Variants in CSMD1 observed in about 807,000 individuals in gnomAD.
CSMD1 encodes CUB and sushi domain-containing protein 1.
In CSMD1, 213 loss-of-function variants were observed where a neutral mutation model predicts 417.5. The ratio of observed to expected loss-of-function variants is 0.51; its 90% CI spans 0.46 to 0.57. The LOEUF is 0.57. CSMD1 is among the 20% of genes least tolerant of loss of function. The pLI is 0.00. For missense variants in CSMD1, 6,923 were observed against 4,529.7 expected, an observed-to-expected ratio of 1.53 and a Z score of -15.17; for synonymous variants, 2,862 against 1,736.8, an observed-to-expected ratio of 1.65 and a Z score of -16.11.
chr8:3,427,476 G>A (rs1813925712), intron 12 of CSMD1, among the ~76,000 whole-genome samples: 1 of 152,132 alleles, frequency 6.6e-6, no homozygotes, highest in East Asian at 1.9e-4. Context: ...CCTTTAAAAT[G>A]AAGATTTTCA....
chr8:4,362,565 T>C (rs993250742), intron 3 of CSMD1, among the ~76,000 whole-genome samples: 2 of 152,220 alleles, frequency 1.3e-5, no homozygotes, highest in African/African-American at 2.4e-5. Flanking sequence ...GTGGATAATA[T>C]AGCCCCGTGA....
At chr8:3,997,793 C>G in intron 5 of CSMD1, 110 bp downstream of exon 5, 2 of 955,718 alleles carry the variant, frequency 2.1e-6, no homozygotes, top group East Asian at 2.6e-5. Flanking sequence ...AAAAGGAACA[C>G]ACATGCTTGC....
intron 41 of CSMD1, among the ~76,000 whole-genome samples, chr8:3,141,861 G>C (rs147153940): frequency 1.3e-5 from 2 of 149,752 alleles, no homozygotes; most frequent in East Asian, 2.0e-4. Flanking sequence ...GCAGTGGCGC[G>C]ATCTCTCCTC....
chr8:3,815,993 C>T (rs1414159781), intron 5 of CSMD1, among the ~76,000 whole-genome samples: 1 of 152,174 alleles, frequency 6.6e-6, no homozygotes, highest in South Asian at 2.1e-4. Flanking sequence ...AGCATTACAA[C>T]ATCAAACTTA....
chr8:3,253,766 G>A (rs528928528), intron 26 of CSMD1, among the ~76,000 whole-genome samples: 13 of 152,226 alleles, frequency 8.5e-5, no homozygotes, highest in African/African-American at 2.9e-4. Context: ...GCCTATGTGT[G>A]TCTCTGCAGG....
chr8:3,238,537 G>A (rs775665391), intron 26 of CSMD1, among the ~76,000 whole-genome samples: 6 of 152,084 alleles, frequency 3.9e-5, no homozygotes, highest in Non-Finnish European at 5.9e-5. Flanking sequence ...GCGAGACTAC[G>A]GGCAGCATGG....
intron 46 of CSMD1, among the ~76,000 whole-genome samples, chr8:3,101,579 T>A (rs536941684): frequency 1.2e-3 from 179 of 150,240 alleles, no homozygotes; most frequent in African/African-American, 4.3e-3. Context: ...CCCACAACCA[T>A]GCCTGGCTAA....
At chr8:3,740,894 C>T (rs1563329449) in intron 6 of CSMD1, among the ~76,000 whole-genome samples, 1 of 151,892 alleles carries the variant, frequency 6.6e-6, no homozygotes, top group African/African-American at 2.4e-5. Flanking sequence ...CTTCTGTGCC[C>T]AGGGGTGGGA....
intron 2 of CSMD1, among the ~76,000 whole-genome samples, chr8:4,567,700 A>T (rs1798682225): frequency 6.6e-6 from 1 of 152,196 alleles, no homozygotes; most frequent in Non-Finnish European, 1.5e-5. Flanking sequence ...AATACATTAT[A>T]GCTGGGCCAA....
intron 3 of CSMD1, among the ~76,000 whole-genome samples, chr8:4,092,489 T>C (rs960504751): frequency 6.6e-5 from 10 of 151,394 alleles, no homozygotes; most frequent in African/African-American, 2.2e-4. Flanking sequence ...ATTAAGCATA[T>C]TGTCTTTAAG....
chr8:3,193,228 G>T lies in CSMD1; in HGVS notation c.5195-3113C>A, dbSNP rs1035521432. On this transcript the variant is annotated intron_variant, in intron 33 of 69. Transcript: ENST00000635120. ...AAATGAGGAGAAATATAGCACCAAGGGTCATTTGTACACAAGTCACTATTA... is the reference window on the plus strand; with the variant it reads ...AAATGAGGAGAAATATAGCACCAAGTGTCATTTGTACACAAGTCACTATTA... Among the ~76,000 whole-genome samples, 5 of 151,914 alleles carry T rather than the reference G, an allele frequency of 3.3e-5. No homozygotes were observed. In the South Asian group the frequency reaches 6.2e-4, roughly 19 times the overall value.
intron 3 of CSMD1, among the ~76,000 whole-genome samples, chr8:4,040,878 C>T (rs944361964): frequency 6.6e-6 from 1 of 152,092 alleles, no homozygotes; most frequent in Admixed American, 6.5e-5. Context: ...AGATAATGTT[C>T]ACTATGTAAA....
chr8:4,157,739 G>A (rs1367714174), intron 3 of CSMD1, among the ~76,000 whole-genome samples: 1 of 152,206 alleles, frequency 6.6e-6, no homozygotes, highest in Non-Finnish European at 1.5e-5. Flanking sequence ...CCTTTTCCTA[G>A]GAGTCAGGGC....
At chr8:3,497,624 A>C (rs1324496312) in intron 10 of CSMD1, among the ~76,000 whole-genome samples, 2 of 152,092 alleles carry the variant, frequency 1.3e-5, no homozygotes, top group Non-Finnish European at 2.9e-5. Context: ...TATTCCTGCT[A>C]GTTTTTGGTT....
At position 4,976,809 on chromosome 8, in the gene CSMD1, A is replaced by G. The variant is rs146758601; in HGVS notation, c.85+17523T>C. Among the ~76,000 whole-genome samples, 3 of 152,272 alleles carry G rather than the reference A, an allele frequency of 2.0e-5. No individual in the cohort carries two copies. The East Asian group carries it at 5.8e-4, about 29-fold the overall frequency. ...TGACACATCACTTCCTCTCACTGAT[A>G]TTTTTATTAAATATTCATTTAAGTA... On this transcript the variant is annotated intron_variant, in intron 1 of 69. Transcript: ENST00000635120.
intron 1 of CSMD1, among the ~76,000 whole-genome samples, chr8:4,913,684 A>C (rs777891204): frequency 1.3e-5 from 2 of 152,126 alleles, no homozygotes; most frequent in African/African-American, 4.8e-5. Context: ...TTCCATCTTC[A>C]TGCTTTTCCT....
At chr8:4,092,021 G>C (rs776627963) in intron 3 of CSMD1, among the ~76,000 whole-genome samples, 4 of 152,076 alleles carry the variant, frequency 2.6e-5, no homozygotes, top group African/African-American at 7.2e-5. Context: ...ATAATATTAC[G>C]TAGCACATAT....
chr8:3,226,407 A>T (rs969353084), intron 27 of CSMD1, among the ~76,000 whole-genome samples: 1 of 151,934 alleles, frequency 6.6e-6, no homozygotes, highest in African/African-American at 2.4e-5. Flanking sequence ...ACATAGCAAA[A>T]CCTAGTCTCT....
chr8:3,697,959 G>A (rs1411934960), intron 7 of CSMD1, among the ~76,000 whole-genome samples: 2 of 152,106 alleles, frequency 1.3e-5, no homozygotes, highest in African/African-American at 4.8e-5. Flanking sequence ...CACTTGAAAA[G>A]CATTTTACTT....
Sources: gnomAD v4.1 joint callset for allele counts (sites outside exome capture counted in the v4.1 genomes callset) on GRCh38, gnomAD v4.1.1 for gene constraint, MANE v1.5 for transcripts, NCBI Gene and HGNC (gene_info 2026-07-23, HGNC 2026-07-21) for gene names.